Variants in DNMT1 observed in about 807,000 individuals in gnomAD.
DNMT1 encodes DNA (cytosine-5)-methyltransferase 1.
A neutral mutation model predicts 205.3 loss-of-function variants in DNMT1; 24 were observed. That is an observed-to-expected ratio of 0.12 (90% CI 0.08 to 0.16). The LOEUF (loss-of-function observed/expected upper bound fraction) is 0.16, where lower values mean the gene tolerates loss of function less well. DNMT1 is among the 10% of genes least tolerant of loss of function. DNMT1 has a pLI of 1.00. For missense variants in DNMT1, 1,293 were observed against 2,177.7 expected (o/e 0.59, Z 8.09); for synonymous variants, 817 against 839.8 (o/e 0.97, Z 0.47).
intron 1 of DNMT1, among the ~76,000 whole-genome samples, chr19:10,183,037 GTATA>G (rs917276702): frequency 2.2e-5 from 3 of 139,416 alleles, no homozygotes; most frequent in Non-Finnish European, 3.0e-5. Context: ...GTATATATAC[GTATA>G]TATGTGTATA....
chr19:10,140,750 G>GT lies in DNMT1; in HGVS notation c.3523+30dup. The GT allele has an allele frequency of 1.2e-6, 2 of 1,613,950 alleles. No individual in the cohort carries two copies. The highest frequency in any genetic ancestry group is 3.3e-5 in the Admixed American group (2 of 60,030). ...CACCTGCCCGGTCTGGGCTCACCAG[G>GT]TATTCAGAGATGGAGCCTACGGGCG... On this transcript the variant is annotated intron_variant, in intron 32 of 40. Coordinates refer to ENST00000359526, the MANE Select transcript of DNMT1 (RefSeq NM_001130823.3). The surrounding 1 kb of genome is among the most constrained non-coding windows in gnomAD (Gnocchi z 8.4).
At position 10,137,496 on chromosome 19, in the gene DNMT1, C is replaced by A; in HGVS notation, c.4294-216G>T. 1 of 661,190 alleles carries A rather than the reference C, an allele frequency of 1.5e-6. No homozygotes were observed. Among genetic ancestry groups the A allele is most frequent in the South Asian group, 1.9e-5 (1 of 52,600 alleles). The allele number at this position is 661,190 out of a possible 1,614,324, so 41.0% of individuals were successfully genotyped here. On this transcript the variant is annotated intron_variant, in intron 36 of 40. Transcript: ENST00000359526. This position sits in a 1 kb window ranked among gnomAD's most constrained non-coding sequence, Gnocchi z 6.4. ...GGAGAGCGTGGGAATCTAAGCTGAG[C>A]CTTTAGGGTGGGGGAAGGGGAGTGG... is the stretch of plus-strand genomic sequence containing the variant.
rs1475390185 is a variant in DNMT1, at chr19:10,156,560, C to T, written c.1281-51G>A. ...TACCAGCTAAGCCGTGAAGGCGGGT[C>T]TTCGTGCAGACTTCAGATCAGGCAC... On this transcript the variant is annotated intron_variant, in intron 17 of 40. Coordinates refer to ENST00000359526, the MANE Select transcript of DNMT1 (RefSeq NM_001130823.3). This position sits in a 1 kb window ranked among gnomAD's most constrained non-coding sequence, Gnocchi z 4.2. 2.9e-6 allele frequency: 4 copies of T among 1,374,854 alleles called. No homozygotes were observed. In the African/African-American group the frequency reaches 5.7e-5, roughly 20 times the overall value. 85.2% of individuals were successfully genotyped at this position (1,374,854 alleles called of 1,614,324 possible).
chr19:10,142,266 C>T (rs200887793), intron 29 of DNMT1, 46 bp from the exon 30 acceptor site: 15 of 1,612,894 alleles, frequency 9.3e-6, no homozygotes, highest in East Asian at 2.2e-5. Context: ...TTGTGGTGAG[C>T]TTATGCTGAA....
intron 29 of DNMT1, 151 bp downstream of exon 29, chr19:10,143,615 C>A: frequency 1.1e-6 from 1 of 870,424 alleles, no homozygotes. Context: ...TAGTCATTAT[C>A]AGTGCCCACC....
At chr19:10,139,558 C>CTGCTGCCTGGATGGCAGGCCTA (rs1182748468) in intron 34 of DNMT1, 118 bp downstream of exon 34, 7 of 1,507,476 alleles carry the variant, frequency 4.6e-6, no homozygotes, top group Non-Finnish European at 5.3e-6. Context: ...ATGCCAGCCT[C>CTGCTGCCTGGATGGCAGGCCTA]TGCTGCCTGG....
At position 10,137,788 on chromosome 19, in the gene DNMT1, G is replaced by A. The variant is rs2089520236; in HGVS notation, c.4293+44C>T. The stretch of plus-strand genomic sequence containing the variant: ...GGCTGACTGTTCCCACGAGGCTGCT[G>A]GGCTGGGCCTCGAGGAGGAGCCGCT... On this transcript the variant is annotated intron_variant, in intron 36 of 40. Transcript: ENST00000359526. This position sits in a 1 kb window ranked among gnomAD's most constrained non-coding sequence, Gnocchi z 6.4. 4 of 1,599,042 alleles carry A rather than the reference G, an allele frequency of 2.5e-6. No homozygotes were observed. The highest frequency in any genetic ancestry group is 1.7e-5 in the Admixed American group (1 of 57,880).
Position 10,154,228 on chromosome 19 carries a change from G to C in DNMT1, c.2019+65C>G. On this transcript the variant is annotated intron_variant, in intron 22 of 40. Coordinates refer to ENST00000359526, the MANE Select transcript of DNMT1 (RefSeq NM_001130823.3). The surrounding 1 kb of genome is among the most constrained non-coding windows in gnomAD (Gnocchi z 6.3). ...AAGCCACAGAGAGAAAGATGGAGCA[G>C]TCCTCAGATCAGGCCAGAGGCTGGG... 6.6e-7 allele frequency: 1 copy of C among 1,509,808 alleles called. No individual in the cohort carries two copies. The highest frequency in any genetic ancestry group is 9.2e-7 in the Non-Finnish European group (1 of 1,086,272). 93.5% of individuals were successfully genotyped at this position (1,509,808 alleles called of 1,614,324 possible). A position where few individuals can be genotyped will look rare whatever the true frequency, so the allele number is the denominator to read the frequency against.
In DNMT1 at chr19:10,156,086, C is replaced by A; in HGVS notation, c.1400-141G>T. On this transcript the variant is annotated intron_variant, in intron 18 of 40. Coordinates refer to ENST00000359526, the MANE Select transcript of DNMT1 (RefSeq NM_001130823.3). This position sits in a 1 kb window ranked among gnomAD's most constrained non-coding sequence, Gnocchi z 4.2. ...ATCACAATGACTTGGCCTACAGCTG[C>A]TCCTGGCACAAAGTCTCACACCCTA... The A allele has an allele frequency of 1.2e-6, 1 of 821,962 alleles. No individual in the cohort carries two copies. The highest frequency in any genetic ancestry group is 2.0e-6 in the Non-Finnish European group (1 of 503,236). 50.9% of individuals were successfully genotyped at this position (821,962 alleles called of 1,614,324 possible). A position where few individuals can be genotyped will look rare whatever the true frequency, so the allele number is the denominator to read the frequency against.
At chr19:10,168,187 C>A in intron 10 of DNMT1, 143 bp downstream of exon 10, 1 of 870,652 alleles carries the variant, frequency 1.1e-6, no homozygotes, top group South Asian at 1.4e-5. Flanking sequence ...AGGGTGGTCT[C>A]ACCTTTCACA....
intron 1 of DNMT1, among the ~76,000 whole-genome samples, chr19:10,183,442 A>G (rs1311342519): frequency 6.6e-6 from 1 of 152,186 alleles, no homozygotes; most frequent in African/African-American, 2.4e-5. Flanking sequence ...ACCAGAGACC[A>G]GGCATGGTGG....
chr19:10,169,518 C>CG (rs889899479), intron 9 of DNMT1, among the ~76,000 whole-genome samples: 7 of 151,812 alleles, frequency 4.6e-5, no homozygotes, highest in African/African-American at 1.7e-4. Flanking sequence ...GATCGTGCCA[C>CG]TGCACTCCAG....
intron 33 of DNMT1, 113 bp from the exon 34 acceptor site, chr19:10,139,930 C>A: frequency 6.3e-7 from 1 of 1,585,266 alleles, no homozygotes; most frequent in Non-Finnish European, 8.5e-7. Context: ...CTGGTGAGAG[C>A]TGAGCTGTGA....
chr19:10,141,686 A>AG (rs370404230), intron 30 of DNMT1: 1 of 352,530 alleles, frequency 2.8e-6, no homozygotes, highest in African/African-American at 2.1e-5. Context: ...CACCTTCTCC[A>AG]ACTCATACTA....
intron 27 of DNMT1, among the ~76,000 whole-genome samples, chr19:10,148,262 C>A (rs1240565618): frequency 6.6e-6 from 1 of 151,020 alleles, no homozygotes; most frequent in African/African-American, 2.4e-5. Flanking sequence ...TTTGGGAGGC[C>A]AAGGCGGGCA....
Position 10,175,035 on chromosome 19 carries a change from C to CA in DNMT1, c.648+504dup, listed in dbSNP as rs372794191. Among the ~76,000 whole-genome samples, 329 of 110,558 alleles carry CA rather than the reference C, an allele frequency of 3.0e-3. 3 individuals are homozygous for CA. Among genetic ancestry groups the CA allele is most frequent in the Middle Eastern group, 0.024 (5 of 212 alleles). 72.5% of individuals were successfully genotyped at this position (110,558 alleles called of 152,430 possible). A position where few individuals can be genotyped will look rare whatever the true frequency, so the allele number is the denominator to read the frequency against. The stretch of plus-strand genomic sequence containing the variant: ...GTGCCACAAGAGCAAAACCCTGTCT[C>CA]AAAAAAAAAAAAAAGTCTCAAAAAA... On this transcript the variant is annotated intron_variant, in intron 7 of 40. Transcript: ENST00000359526.
At chr19:10,148,810 C>A in intron 27 of DNMT1, 74 bp downstream of exon 27, 1 of 1,611,320 alleles carries the variant, frequency 6.2e-7, no homozygotes, top group Non-Finnish European at 8.5e-7. Context: ...GCCAACCAGA[C>A]GGAAGCACAC....
chr19:10,135,898 G>A (rs1272975584), intron 38 of DNMT1, 46 bp from the exon 39 acceptor site: 15 of 1,532,564 alleles, frequency 9.8e-6, no homozygotes, highest in African/African-American at 2.7e-5. Context: ...CACCCAGGCC[G>A]GGTCACCGTC....
intron 14 of DNMT1, 30 bp from the exon 15 acceptor site, chr19:10,160,093 T>G: frequency 5.6e-6 from 9 of 1,611,446 alleles, no homozygotes; most frequent in Non-Finnish European, 7.6e-6. Flanking sequence ...CACAAGATCG[T>G]TTGTTTAATT....
Sources: gnomAD v4.1 joint callset for allele counts (sites outside exome capture counted in the v4.1 genomes callset) on GRCh38, gnomAD v4.1.1 for gene constraint, Gnocchi (gnomAD v3.1) non-coding constraint, MANE v1.5 for transcripts, NCBI Gene and HGNC (gene_info 2026-07-23, HGNC 2026-07-21) for gene names.